CLEC16A: variants seen among roughly 807,000 people sequenced by gnomAD.
CLEC16A encodes protein CLEC16A.
Under a neutral mutation model 109.5 loss-of-function variants are expected in CLEC16A, and 51 were observed. The ratio of observed to expected loss-of-function variants is 0.47; its 90% CI spans 0.37 to 0.59. The LOEUF (loss-of-function observed/expected upper bound fraction) is 0.59. Ranked by LOEUF, CLEC16A falls within the 20% of genes least tolerant of loss-of-function variation. The pLI is 0.00. For synonymous variants in CLEC16A, 673 were observed against 564.2 expected (o/e 1.19, Z -2.73); for missense variants, 1,339 against 1,394.0 (o/e 0.96, Z 0.63).
chr16:11,096,490 GA>G lies in CLEC16A; in HGVS notation c.2117-24122del, dbSNP rs2050617935. On this transcript the variant is annotated intron_variant, in intron 19 of 23. Transcript: ENST00000409790. ...ACCCACGGGAGGAATACAGACCATT[GA>G]AAGTTTTCTAAATTTATTTCCTGAT... Among the ~76,000 whole-genome samples, 3 of 152,134 alleles carry G rather than the reference GA, an allele frequency of 2.0e-5. No homozygotes were observed. In the South Asian group the frequency reaches 6.2e-4, roughly 32 times the overall value.
intron 9 of CLEC16A, 102 bp downstream of exon 9, chr16:10,979,484 T>TC (rs779754051): frequency 1.2e-4 from 117 of 1,008,480 alleles, no homozygotes; most frequent in East Asian, 8.7e-4. Context: ...ATCTTCTCTG[T>TC]CCCCCCCATG....
At position 10,982,916 on chromosome 16, in the gene CLEC16A, G is replaced by T. The variant is rs200791178; in HGVS notation, c.996G>T (p.Ser332=). Residue 332 remains serine, a synonymous_variant, in exon 10 of 24, where the codon TCG becomes TCT. Coordinates refer to ENST00000409790, the MANE Select transcript of CLEC16A (RefSeq NM_015226.3). ...LIIHHAPLVN[S]LAEVILNGDL... ...TACATCATGCACCGCTGGTGAACTC[G>T]TTAGCTGAAGTCATTCTGAATGGTG... 1 of 1,612,512 alleles carries T rather than the reference G, an allele frequency of 6.2e-7. No homozygotes were observed. The highest frequency in any genetic ancestry group is 8.5e-7 in the Non-Finnish European group (1 of 1,178,598).
At chr16:11,161,713 C>T (rs1021204415) in intron 22 of CLEC16A, among the ~76,000 whole-genome samples, 1 of 152,198 alleles carries the variant, frequency 6.6e-6, no homozygotes, top group Non-Finnish European at 1.5e-5. Flanking sequence ...CAGCTCTGCT[C>T]ATCTCTCTCC....
At chr16:11,167,847 G>T (rs775403008) in intron 23 of CLEC16A, among the ~76,000 whole-genome samples, 1 of 152,202 alleles carries the variant, frequency 6.6e-6, no homozygotes, top group African/African-American at 2.4e-5. Flanking sequence ...TGCCAGGCTT[G>T]TAGCTGGGAA....
rs530676736 is a variant in CLEC16A at position 11,080,652 on chromosome 16, G to A, written c.2116+19630G>A. On this transcript the variant is annotated intron_variant, in intron 19 of 23. Coordinates refer to ENST00000409790, the MANE Select transcript of CLEC16A (RefSeq NM_015226.3). ...TAAAGTCTAGGTGTTGGTCCTTCCC[G>A]AAATCTCTGGGGAGAATCTGTTTTC... 5.9e-5 allele frequency among the ~76,000 whole-genome samples: 9 copies of A among 152,306 alleles called. No individual in the cohort carries two copies. In the East Asian group the frequency reaches 1.7e-3, roughly 29 times the overall value.
chr16:11,049,306 A>G (rs1335518670), intron 17 of CLEC16A, among the ~76,000 whole-genome samples: 4 of 148,956 alleles, frequency 2.7e-5, no homozygotes, highest in Admixed American at 6.7e-5. Flanking sequence ...GCACCTGGCA[A>G]TTTTTTTTTT....
chr16:11,109,348 C>T (rs535097850), intron 19 of CLEC16A, among the ~76,000 whole-genome samples: 3 of 152,166 alleles, frequency 2.0e-5, no homozygotes, highest in Admixed American at 2.0e-4. Context: ...AAGACGAGGT[C>T]TTGCTATGTT....
chr16:11,147,497 G>C (rs1448770768), intron 22 of CLEC16A, among the ~76,000 whole-genome samples: 1 of 152,222 alleles, frequency 6.6e-6, no homozygotes, highest in Non-Finnish European at 1.5e-5. Context: ...CGAGGTTCCA[G>C]GTTGTTCTGC....
At chr16:11,010,486 T>A (rs1005246817) in intron 11 of CLEC16A, among the ~76,000 whole-genome samples, 4 of 152,206 alleles carry the variant, frequency 2.6e-5, no homozygotes, top group Non-Finnish European at 5.9e-5. Context: ...AACACCTGTT[T>A]ACCCTTTACC....
At chr16:11,114,940 G>T (rs965635235) in intron 19 of CLEC16A, among the ~76,000 whole-genome samples, 1 of 152,198 alleles carries the variant, frequency 6.6e-6, no homozygotes, top group Non-Finnish European at 1.5e-5. Flanking sequence ...CCGCATTTTA[G>T]TTTTCTTATG....
chr16:11,090,463 G>C (rs533025351), intron 19 of CLEC16A, among the ~76,000 whole-genome samples: 2 of 152,182 alleles, frequency 1.3e-5, no homozygotes, highest in African/African-American at 4.8e-5. Context: ...TCAGGCAGCG[G>C]AGTGATGTTG....
At chr16:11,171,936 A>G (rs1408972051) in intron 23 of CLEC16A, among the ~76,000 whole-genome samples, 2 of 152,002 alleles carry the variant, frequency 1.3e-5, no homozygotes, top group Admixed American at 6.5e-5. Context: ...ATACACACTC[A>G]CACATACAAG....
At chr16:11,125,440 C>T (rs538760733) in intron 21 of CLEC16A, among the ~76,000 whole-genome samples, 110 of 152,208 alleles carry the variant, frequency 7.2e-4, no homozygotes, top group African/African-American at 2.5e-3. Flanking sequence ...TTTAAAAAGC[C>T]CCTCCGTATG....
intron 3 of CLEC16A, among the ~76,000 whole-genome samples, chr16:10,966,356 A>G: frequency 6.6e-6 from 1 of 152,202 alleles, no homozygotes; most frequent in East Asian, 1.9e-4. Flanking sequence ...TGGACAGGCA[A>G]AACGAGTCTG....
At chr16:10,965,433 C>G (rs1368405496) in intron 3 of CLEC16A, among the ~76,000 whole-genome samples, 2 of 152,212 alleles carry the variant, frequency 1.3e-5, no homozygotes, top group Non-Finnish European at 1.5e-5. Context: ...CCCTAACGAT[C>G]CATTGTGCAC....
intron 22 of CLEC16A, among the ~76,000 whole-genome samples, chr16:11,138,665 C>G (rs1407586391): frequency 6.6e-6 from 1 of 152,224 alleles, no homozygotes; most frequent in Admixed American, 6.5e-5. Context: ...TTGCCACTTA[C>G]TTGTACTATA....
intron 19 of CLEC16A, among the ~76,000 whole-genome samples, chr16:11,105,413 TG>T (rs1250546672): frequency 6.6e-6 from 1 of 152,220 alleles, no homozygotes; most frequent in East Asian, 1.9e-4. Context: ...TCAGAGAGGC[TG>T]CCCCCATACA....
intron 19 of CLEC16A, among the ~76,000 whole-genome samples, chr16:11,076,808 C>T (rs902758728): frequency 6.6e-6 from 1 of 152,206 alleles, no homozygotes; most frequent in Non-Finnish European, 1.5e-5. Flanking sequence ...AGCCACTGAC[C>T]AGGTCCACCC....
intron 22 of CLEC16A, chr16:11,156,790 C>T (rs1048814083): frequency 6.1e-6 from 4 of 654,286 alleles, no homozygotes; most frequent in East Asian, 6.7e-5. Context: ...AGCAAGGTTG[C>T]ACCACTGCGA....
Sources: allele counts gnomAD v4.1 joint callset (sites outside exome capture counted in the v4.1 genomes callset), GRCh38; gene constraint gnomAD v4.1.1; transcripts MANE v1.5; gene names NCBI Gene and HGNC (gene_info 2026-07-23, HGNC 2026-07-21).